The following MAPKAP1 variants were observed in gnomAD, a reference collection of about 807,000 sequenced individuals.
The protein encoded by MAPKAP1 is MAPK associated protein 1, also known as target of rapamycin complex 2 subunit MAPKAP1.
In MAPKAP1, 20 loss-of-function variants were observed where a neutral mutation model predicts 65.7. The ratio of observed to expected loss-of-function variants is 0.30; its 90% CI spans 0.21 to 0.44. The LOEUF (loss-of-function observed/expected upper bound fraction) is 0.44. Ranked by LOEUF, MAPKAP1 falls within the 20% of genes least tolerant of loss-of-function variation. The pLI is 1.00. For synonymous variants in MAPKAP1, 222 were observed against 244.3 expected (o/e 0.91, Z 0.85); for missense variants, 423 against 648.0 (o/e 0.65, Z 3.77).
intron 10 of MAPKAP1, among the ~76,000 whole-genome samples, chr9:125,467,412 A>G (rs1853719010): frequency 2.6e-5 from 4 of 152,264 alleles, no homozygotes; most frequent in African/African-American, 9.6e-5. Flanking sequence ...AAGCGGAGGA[A>G]TGCCAACCCA....
intron 7 of MAPKAP1, among the ~76,000 whole-genome samples, chr9:125,513,631 A>G (rs566137572): frequency 1.5e-4 from 23 of 152,210 alleles, no homozygotes; most frequent in Non-Finnish European, 4.4e-5. Context: ...AAATGAGACA[A>G]TGCAGGACTT....
At chr9:125,612,246 C>T (rs1832621875) in intron 4 of MAPKAP1, among the ~76,000 whole-genome samples, 1 of 152,118 alleles carries the variant, frequency 6.6e-6, no homozygotes, top group Admixed American at 6.6e-5. Flanking sequence ...GACCTAATGA[C>T]AATATTTAGA....
intron 3 of MAPKAP1, among the ~76,000 whole-genome samples, chr9:125,667,779 A>G (rs780608439): frequency 1.3e-5 from 2 of 152,164 alleles, no homozygotes; most frequent in African/African-American, 2.4e-5. Flanking sequence ...GGGTGGCTGG[A>G]GAGACAGAGG....
At chr9:125,598,805 T>A (rs1240081609) in intron 4 of MAPKAP1, among the ~76,000 whole-genome samples, 5 of 152,058 alleles carry the variant, frequency 3.3e-5, no homozygotes, top group Non-Finnish European at 5.9e-5. Context: ...TTTGGGAGGC[T>A]GAGGCAGCTG....
chr9:125,686,192 G>A (rs1397359093), intron 1 of MAPKAP1, among the ~76,000 whole-genome samples: 1 of 151,326 alleles, frequency 6.6e-6, no homozygotes, highest in East Asian at 1.9e-4. Context: ...TGGTGGTGGT[G>A]GGCGCCTGTA....
At chr9:125,549,207 T>C (rs548078510) in intron 6 of MAPKAP1, among the ~76,000 whole-genome samples, 3 of 152,336 alleles carry the variant, frequency 2.0e-5, no homozygotes, top group Non-Finnish European at 4.4e-5. Flanking sequence ...GAGAATGTCA[T>C]GGTTTCAAAA....
At chr9:125,650,173 C>T (rs1011463946) in intron 4 of MAPKAP1, among the ~76,000 whole-genome samples, 6 of 152,218 alleles carry the variant, frequency 3.9e-5, no homozygotes, top group African/African-American at 1.4e-4. Flanking sequence ...ACCACTCTCT[C>T]ACCCAGAGCA....
intron 10 of MAPKAP1, among the ~76,000 whole-genome samples, chr9:125,462,668 T>C (rs1174642604): frequency 1.3e-5 from 2 of 152,244 alleles, no homozygotes; most frequent in African/African-American, 4.8e-5. Flanking sequence ...TTTGGAGCTA[T>C]TTGCAAACCT....
chr9:125,492,781 G>A (rs1171742461), intron 8 of MAPKAP1, among the ~76,000 whole-genome samples: 1 of 152,154 alleles, frequency 6.6e-6, no homozygotes, highest in Non-Finnish European at 1.5e-5. Context: ...AAAGATCTAT[G>A]CCAACTCTAG....
chr9:125,645,952 T>G (rs1833714335), intron 4 of MAPKAP1, among the ~76,000 whole-genome samples: 1 of 152,082 alleles, frequency 6.6e-6, no homozygotes, highest in South Asian at 2.1e-4. Context: ...AAATAAAATT[T>G]TTAAAAATTT....
rs140426467 is a variant in MAPKAP1 at position 125,560,249 on chromosome 9, G to A, written c.672-440C>T. ...AAAGGGGGGAAGATTATCTGGCCTC[G>A]GGGAAGGCAGGGGTCAGAGGCCTTT... On this transcript the variant is annotated intron_variant, in intron 5 of 11. Transcript: ENST00000265960. Among the ~76,000 whole-genome samples the A allele has an allele frequency of 5.8e-4, 89 of 152,234 alleles. 1 individual carries two copies. The highest frequency in any genetic ancestry group is 1.2e-3 in the East Asian group (6 of 5,186).
intron 1 of MAPKAP1, among the ~76,000 whole-genome samples, chr9:125,698,260 TA>T (rs1178983503): frequency 4.3e-5 from 5 of 116,814 alleles, no homozygotes; most frequent in African/African-American, 2.1e-4. Context: ...ATATAATTTA[TA>T]AATATATATA....
Position 125,543,128 on chromosome 9 carries a change from T to C in MAPKAP1, c.889A>G (p.Thr297Ala), listed in dbSNP as rs1830304817. 1 of 1,613,990 alleles carries C rather than the reference T, an allele frequency of 6.2e-7. No individual in the cohort carries two copies. The highest frequency in any genetic ancestry group is 8.5e-7 in the Non-Finnish European group (1 of 1,179,818). The change falls in exon 7 of 12, where the codon ACA becomes GCA. Residue 297 changes from threonine (T) to alanine (A), a missense_variant. Thr to Ala is a moderately conservative substitution (Grantham distance 58). Transcript: ENST00000265960. ...AAGATTTCCTTCATGGTAACCTTTG[T>C]GTTGTCCACCTGAATAAGGGAGAAT... ...HGFSLIQVDN[T>A]KVTMKEILLK... is the part of the protein sequence containing the mutation.
intron 4 of MAPKAP1, among the ~76,000 whole-genome samples, chr9:125,597,708 T>C (rs894816097): frequency 1.3e-5 from 2 of 152,218 alleles, no homozygotes; most frequent in African/African-American, 4.8e-5. Flanking sequence ...GATCATTACG[T>C]GTAATTTTAA....
chr9:125,562,816 T>G (rs541305225), intron 5 of MAPKAP1, among the ~76,000 whole-genome samples: 1 of 152,194 alleles, frequency 6.6e-6, no homozygotes, highest in African/African-American at 2.4e-5. Flanking sequence ...TCAATAGGAT[T>G]AGGTAGCTTG....
intron 4 of MAPKAP1, among the ~76,000 whole-genome samples, chr9:125,594,885 G>A (rs997981231): frequency 1.3e-5 from 2 of 152,100 alleles, no homozygotes; most frequent in African/African-American, 4.8e-5. Flanking sequence ...CCCAGGTAGA[G>A]CAGCTATACC....
chr9:125,552,831 G>A (rs1452127223), intron 6 of MAPKAP1, among the ~76,000 whole-genome samples: 1 of 152,162 alleles, frequency 6.6e-6, no homozygotes, highest in African/African-American at 2.4e-5. Flanking sequence ...AGCTACTCAG[G>A]AGGACTGTCT....
At chr9:125,582,852 A>G (rs1284183227) in intron 5 of MAPKAP1, among the ~76,000 whole-genome samples, 2 of 152,134 alleles carry the variant, frequency 1.3e-5, no homozygotes, top group Admixed American at 6.5e-5. Flanking sequence ...AAATAACAAT[A>G]TTTGCACAGT....
chr9:125,542,869 G>A lies in MAPKAP1; in HGVS notation c.958+190C>T, dbSNP rs937342236. ...TGAATACATTCTTCTCACATATGCC[G>A]CTGACCCAGTCCCTTTCTGAGGCCG... On this transcript the variant is annotated intron_variant, in intron 7 of 11. Transcript: ENST00000265960. The A allele has an allele frequency of 8.1e-6, 6 of 740,956 alleles. No homozygotes were observed. In the African/African-American group the frequency reaches 8.5e-5, roughly 11 times the overall value. 45.9% of individuals were successfully genotyped at this position (740,956 alleles called of 1,614,324 possible). A position where few individuals can be genotyped will look rare whatever the true frequency, so the allele number is the denominator to read the frequency against.
Sources: allele counts gnomAD v4.1 joint callset (sites outside exome capture counted in the v4.1 genomes callset), GRCh38; gene constraint gnomAD v4.1.1; transcripts MANE v1.5; gene names NCBI Gene and HGNC (gene_info 2026-07-23, HGNC 2026-07-21).